RRAS2: variants seen among roughly 807,000 people sequenced by gnomAD.
RRAS2 encodes ras-related protein R-Ras2.
Under a neutral mutation model 27.6 loss-of-function variants are expected in RRAS2, and 7 were observed. That is an observed-to-expected ratio of 0.25 (90% CI 0.14 to 0.48). The LOEUF (loss-of-function observed/expected upper bound fraction) is 0.48. Among genes scored for constraint, RRAS2 ranks in the 20% least tolerant of loss-of-function variants. The pLI, the probability that RRAS2 is intolerant of heterozygous loss-of-function variation, is 0.99. For missense variants in RRAS2, 178 were observed against 256.2 expected (o/e 0.69, Z 2.08); for synonymous variants, 86 against 90.9 (o/e 0.95, Z 0.31).
At chr11:14,323,204 T>A (rs1591471553) in intron 1 of RRAS2, among the ~76,000 whole-genome samples, 1 of 152,144 alleles carries the variant, frequency 6.6e-6, no homozygotes, top group African/African-American at 2.4e-5. Flanking sequence ...GCCAACACTT[T>A]GGGAGGCTGA....
chr11:14,330,854 G>C (rs910637892), intron 1 of RRAS2, among the ~76,000 whole-genome samples: 3 of 152,186 alleles, frequency 2.0e-5, no homozygotes, highest in Admixed American at 6.5e-5. Context: ...GGATGAAATA[G>C]ACAAAATTGT....
At chr11:14,282,297 A>G (rs548314787) in intron 4 of RRAS2, among the ~76,000 whole-genome samples, 1 of 152,346 alleles carries the variant, frequency 6.6e-6, no homozygotes, top group South Asian at 2.1e-4. Flanking sequence ...AGGTCTCTTC[A>G]TCATTGCATT....
intron 2 of RRAS2, among the ~76,000 whole-genome samples, chr11:14,295,331 G>C (rs560357519): frequency 6.6e-6 from 1 of 152,306 alleles, no homozygotes; most frequent in Admixed American, 6.5e-5. Context: ...TAGAAGAATA[G>C]AGCTTTCTTT....
intron 1 of RRAS2, chr11:14,364,347 G>C (rs1554956474): frequency 1.3e-6 from 2 of 1,532,756 alleles, no homozygotes; most frequent in Non-Finnish European, 1.7e-6. Flanking sequence ...AGACCTGTTG[G>C]CCAAAGAAGG....
At position 14,294,873 on chromosome 11, in the gene RRAS2, A is replaced by G. The variant is rs1554946366; in HGVS notation, c.197-11T>C. ...CTGCTGTATCCAAAACTAAAGAAAA[A>G]ACAACAAATGTAATTATACTTGTTT... is the stretch of plus-strand genomic sequence containing the variant. On this transcript the variant is annotated splice_polypyrimidine_tract_variant and intron_variant, in intron 2 of 5. Transcript: ENST00000256196. The G allele has an allele frequency of 1.2e-6, 2 of 1,608,996 alleles. No individual in the cohort carries two copies. The highest frequency in any genetic ancestry group is 1.7e-6 in the Non-Finnish European group (2 of 1,175,802).
chr11:14,322,311 A>C (rs1554950388), intron 1 of RRAS2, among the ~76,000 whole-genome samples: 1 of 151,838 alleles, frequency 6.6e-6, no homozygotes, highest in African/African-American at 2.4e-5. Flanking sequence ...ATGGTGGTGC[A>C]CACCTGTAGT....
Position 14,358,388 on chromosome 11 carries a change from G to A in RRAS2, c.108+375C>T, listed in dbSNP as rs915992598. 6.1e-6 allele frequency: 6 copies of A among 985,480 alleles called. No homozygotes were observed. Among genetic ancestry groups the A allele is most frequent in the African/African-American group, 3.5e-5 (2 of 57,342 alleles). 61.0% of individuals were successfully genotyped at this position (985,480 alleles called of 1,614,324 possible). On this transcript the variant is annotated intron_variant, in intron 1 of 5. Coordinates refer to ENST00000256196, the MANE Select transcript of RRAS2 (RefSeq NM_012250.6). This position sits in a 1 kb window ranked among gnomAD's most constrained non-coding sequence, Gnocchi z 5.1. ...AGGCGGCTGGAAAAGCAGCGCGCGGGGCTCCAGCTCCAGCCCCACGCCCGG... is the reference window on the plus strand; with the variant it reads ...AGGCGGCTGGAAAAGCAGCGCGCGGAGCTCCAGCTCCAGCCCCACGCCCGG...
chr11:14,334,816 C>T (rs1376151167), intron 1 of RRAS2, among the ~76,000 whole-genome samples: 2 of 152,188 alleles, frequency 1.3e-5, no homozygotes, highest in African/African-American at 4.8e-5. Context: ...AACATCTTCC[C>T]TATTGTACTA....
chr11:14,333,329 G>C (rs1848519510), intron 1 of RRAS2, among the ~76,000 whole-genome samples: 2 of 152,014 alleles, frequency 1.3e-5, no homozygotes, highest in Non-Finnish European at 2.9e-5. Context: ...CAAGTCAAAG[G>C]AAAAGGCGAG....
intron 1 of RRAS2, among the ~76,000 whole-genome samples, chr11:14,317,150 G>A (rs1409984961): frequency 6.6e-6 from 1 of 152,242 alleles, no homozygotes; most frequent in Non-Finnish European, 1.5e-5. Context: ...ACCCTTATAG[G>A]TGTTGGGTGG....
intron 1 of RRAS2, among the ~76,000 whole-genome samples, chr11:14,317,870 G>A (rs564854962): frequency 8.2e-4 from 125 of 152,318 alleles, no homozygotes; most frequent in African/African-American, 2.9e-3. Flanking sequence ...GTGCAAGGCT[G>A]AGGTGAGCTA....
rs557442505 is a variant in RRAS2 at position 14,279,107 on chromosome 11, A to G, written c.*230T>C. ...AGCATGTCTGTGTATATAGACATAT[A>G]TTTTAAAGGAATCAGATAATCTTTG... On this transcript the variant is annotated 3_prime_UTR_variant, in exon 6 of 6. Transcript: ENST00000256196. The G allele has an allele frequency of 3.3e-3, 1,591 of 476,868 alleles. 4 individuals are homozygous for G. The highest frequency in any genetic ancestry group is 3.9e-3 in the Non-Finnish European group (1,030 of 265,848). The allele number at this position is 476,868 out of a possible 1,614,324, so 29.5% of individuals were successfully genotyped here. A position where few individuals can be genotyped will look rare whatever the true frequency, so the allele number is the denominator to read the frequency against.
chr11:14,336,777 G>C (rs1554952602), intron 1 of RRAS2, among the ~76,000 whole-genome samples: 1 of 152,162 alleles, frequency 6.6e-6, no homozygotes, highest in African/African-American at 2.4e-5. Flanking sequence ...CATGTTATCA[G>C]AGGATCACAA....
chr11:14,349,353 G>A (rs1422248780), intron 1 of RRAS2, among the ~76,000 whole-genome samples: 1 of 150,100 alleles, frequency 6.7e-6, no homozygotes, highest in African/African-American at 2.5e-5. Context: ...AGTAAAGAGG[G>A]GGGTTTCACT....
Position 14,279,358 on chromosome 11 carries a change from G to A in RRAS2, c.594C>T (p.Gly198=). The A allele has an allele frequency of 6.2e-7, 1 of 1,610,740 alleles. No homozygotes were observed. The stretch of plus-strand genomic sequence containing the variant: ...GATTCTAGAAAATGACACAATGGCA[G>A]CCTTTCTTGTCTTTTTCTTTCCGTG... ...EPTRKEKDKK[G]CHCVIF The change falls in exon 6 of 6, where the codon GGC becomes GGT. Residue 198 remains glycine, a synonymous_variant. Transcript: ENST00000256196.
chr11:14,296,945 C>A (rs1455251927), intron 1 of RRAS2, among the ~76,000 whole-genome samples: 1 of 152,088 alleles, frequency 6.6e-6, no homozygotes, highest in Non-Finnish European at 1.5e-5. Context: ...GAAAGGATCA[C>A]CTGAGCCCAG....
intron 1 of RRAS2, among the ~76,000 whole-genome samples, chr11:14,334,974 G>T (rs941702930): frequency 2.0e-5 from 3 of 152,048 alleles, no homozygotes; most frequent in Non-Finnish European, 4.4e-5. Context: ...CCCATCCAGC[G>T]GTCTGGCTTC....
chr11:14,310,494 G>A (rs1554948719), intron 1 of RRAS2, among the ~76,000 whole-genome samples: 1 of 152,156 alleles, frequency 6.6e-6, no homozygotes, highest in African/African-American at 2.4e-5. Context: ...CAAAGAAAAT[G>A]GTAGCCAGGA....
At chr11:14,316,253 G>T (rs1442459580) in intron 1 of RRAS2, among the ~76,000 whole-genome samples, 3 of 152,080 alleles carry the variant, frequency 2.0e-5, no homozygotes, top group African/African-American at 7.2e-5. Context: ...AAAATTCTTA[G>T]TCTTTTTACT....
Sources: gnomAD v4.1 joint callset for allele counts (sites outside exome capture counted in the v4.1 genomes callset) on GRCh38, gnomAD v4.1.1 for gene constraint, Gnocchi (gnomAD v3.1) non-coding constraint, MANE v1.5 for transcripts, NCBI Gene and HGNC (gene_info 2026-07-23, HGNC 2026-07-21) for gene names.